The following MAN2A1 variants were observed in gnomAD, a reference collection of about 807,000 sequenced individuals.
MAN2A1 encodes mannosidase alpha class 2A member 1, also known as alpha-mannosidase 2.
A neutral mutation model predicts 142.6 loss-of-function variants in MAN2A1; 76 were observed. The observed-to-expected ratio is 0.53, with a 90% confidence interval of 0.44 to 0.65. MAN2A1 has a LOEUF of 0.65. MAN2A1 is among the 30% of genes least tolerant of loss of function. MAN2A1 has a pLI of 0.00. For synonymous variants in MAN2A1, 559 were observed against 473.2 expected (o/e 1.18, Z -2.35); for missense variants, 1,311 against 1,365.1 (o/e 0.96, Z 0.62).
At chr5:109,720,257 A>C (rs953237436) in intron 3 of MAN2A1, among the ~76,000 whole-genome samples, 1 of 152,168 alleles carries the variant, frequency 6.6e-6, no homozygotes, top group African/African-American at 2.4e-5. Flanking sequence ...TTGTGGTATG[A>C]CTCTAAAATA....
Position 109,718,226 on chromosome 5 carries a change from G to C in MAN2A1, c.535+1962G>C, listed in dbSNP as rs78215716. Among the ~76,000 whole-genome samples, 14 of 152,218 alleles carry C rather than the reference G, an allele frequency of 9.2e-5. No homozygotes were observed. The East Asian group carries it at 2.7e-3, about 29-fold the overall frequency. The stretch of plus-strand genomic sequence containing the variant: ...AAATATACTTCAAAGTGTGTCTTGT[G>C]AGTCTTCCTCATATGAAGCCCACTT... On this transcript the variant is annotated intron_variant, in intron 3 of 21. Transcript: ENST00000261483.
intron 12 of MAN2A1, 79 bp from the exon 13 acceptor site, chr5:109,817,194 A>G (rs1754485977): frequency 8.2e-7 from 1 of 1,212,484 alleles, no homozygotes; most frequent in East Asian, 2.4e-5. Flanking sequence ...GTATATGTAT[A>G]TGTATATCTA....
chr5:109,762,857 T>C (rs1752889507), intron 5 of MAN2A1, among the ~76,000 whole-genome samples: 1 of 152,214 alleles, frequency 6.6e-6, no homozygotes. Context: ...AGCTTAAAGA[T>C]TGAATTGGCT....
At chr5:109,720,703 A>C (rs1450804935) in intron 3 of MAN2A1, among the ~76,000 whole-genome samples, 2 of 152,176 alleles carry the variant, frequency 1.3e-5, no homozygotes, top group African/African-American at 2.4e-5. Flanking sequence ...AAAATTTCAA[A>C]ATATTTTGAG....
At chr5:109,817,546 G>C (rs1754499527) in intron 13 of MAN2A1, 108 bp downstream of exon 13, 1 of 1,094,096 alleles carries the variant, frequency 9.1e-7, no homozygotes, top group African/African-American at 1.6e-5. Context: ...TGGTGTATGT[G>C]AGGTGATGAA....
At chr5:109,698,066 A>T (rs1259624627) in intron 1 of MAN2A1, among the ~76,000 whole-genome samples, 1 of 152,244 alleles carries the variant, frequency 6.6e-6, no homozygotes, top group Non-Finnish European at 1.5e-5. Flanking sequence ...ATTGATCCAT[A>T]GCTTCAAGAC....
At chr5:109,841,081 C>A (rs1466562554) in intron 16 of MAN2A1, among the ~76,000 whole-genome samples, 2 of 152,104 alleles carry the variant, frequency 1.3e-5, no homozygotes, top group Non-Finnish European at 2.9e-5. Flanking sequence ...GTCACTCTTT[C>A]TTCTTATGAC....
chr5:109,818,293 C>T (rs1488244659), intron 13 of MAN2A1, among the ~76,000 whole-genome samples: 1 of 152,134 alleles, frequency 6.6e-6, no homozygotes. Context: ...CATGTGCCAC[C>T]ACGCCTGGCT....
chr5:109,861,450 G>T (rs1755757468), intron 20 of MAN2A1, among the ~76,000 whole-genome samples: 1 of 152,164 alleles, frequency 6.6e-6, no homozygotes, highest in African/African-American at 2.4e-5. Flanking sequence ...TAATGGCAAA[G>T]CTACAATTAC....
chr5:109,715,718 A>G (rs6866335), intron 2 of MAN2A1, among the ~76,000 whole-genome samples: 112,299 of 152,118 alleles, frequency 0.74, 42,537 homozygotes, highest in East Asian at 0.94. Context: ...TAAAGATAGC[A>G]CAAAGTAAAA....
At chr5:109,745,097 G>C (rs989200267) in intron 4 of MAN2A1, among the ~76,000 whole-genome samples, 1 of 152,120 alleles carries the variant, frequency 6.6e-6, no homozygotes, top group Non-Finnish European at 1.5e-5. Flanking sequence ...GTTTTTTGGG[G>C]GCAGGGTGAG....
intron 12 of MAN2A1, among the ~76,000 whole-genome samples, chr5:109,791,872 G>A (rs1753746402): frequency 6.6e-6 from 1 of 151,990 alleles, no homozygotes; most frequent in Non-Finnish European, 1.5e-5. Context: ...ACGTAAATTT[G>A]ATCATGCTGT....
intron 12 of MAN2A1, among the ~76,000 whole-genome samples, chr5:109,804,916 A>G (rs1381285826): frequency 1.3e-5 from 2 of 152,162 alleles, no homozygotes; most frequent in Non-Finnish European, 2.9e-5. Flanking sequence ...TAGGTTGTTT[A>G]TGTACTATGT....
At chr5:109,710,292 T>C (rs1014314833) in intron 1 of MAN2A1, among the ~76,000 whole-genome samples, 1 of 152,204 alleles carries the variant, frequency 6.6e-6, no homozygotes, top group Non-Finnish European at 1.5e-5. Context: ...ATAATACTCT[T>C]ATCCATGGAT....
chr5:109,728,103 G>C (rs1253535323), intron 3 of MAN2A1, among the ~76,000 whole-genome samples: 2 of 152,148 alleles, frequency 1.3e-5, no homozygotes, highest in African/African-American at 4.8e-5. Context: ...CCACATTGTA[G>C]GTGCTCAGTA....
In MAN2A1 at chr5:109,758,187, T is replaced by A. The variant is rs183522531; in HGVS notation, c.835+2731T>A. 1.2e-4 allele frequency among the ~76,000 whole-genome samples: 18 copies of A among 152,298 alleles called. No homozygotes were observed. The East Asian group carries it at 3.5e-3, about 29-fold the overall frequency. On this transcript the variant is annotated intron_variant, in intron 5 of 21. Coordinates refer to ENST00000261483, the MANE Select transcript of MAN2A1 (RefSeq NM_002372.4). The stretch of plus-strand genomic sequence containing the variant: ...TCTCCGTATCTTCACCAACATTTGT[T>A]ACTGTCTCTCTTTTTTATTGTAGTC...
At chr5:109,776,882 T>C (rs1753307310) in intron 8 of MAN2A1, among the ~76,000 whole-genome samples, 1 of 152,170 alleles carries the variant, frequency 6.6e-6, no homozygotes, top group South Asian at 2.1e-4. Flanking sequence ...TTTCACATTA[T>C]GTTTGCGAGA....
chr5:109,744,774 G>T (rs1282108889), intron 4 of MAN2A1, among the ~76,000 whole-genome samples: 1 of 151,996 alleles, frequency 6.6e-6, no homozygotes, highest in Non-Finnish European at 1.5e-5. Flanking sequence ...TTACCCAAGA[G>T]AAATGAAAAA....
chr5:109,793,017 G>A (rs935397412), intron 12 of MAN2A1, among the ~76,000 whole-genome samples: 3 of 152,082 alleles, frequency 2.0e-5, no homozygotes, highest in African/African-American at 7.2e-5. Flanking sequence ...AGTCATTAAG[G>A]TTAGCCAAGA....
Sources: allele counts gnomAD v4.1 joint callset (sites outside exome capture counted in the v4.1 genomes callset), GRCh38; gene constraint gnomAD v4.1.1; transcripts MANE v1.5; gene names NCBI Gene and HGNC (gene_info 2026-07-23, HGNC 2026-07-21).